Variants in TSPEAR observed in about 807,000 individuals in gnomAD.
TSPEAR encodes thrombospondin-type laminin G domain and EAR repeat-containing protein.
A neutral mutation model predicts 71.6 loss-of-function variants in TSPEAR; 69 were observed. The observed-to-expected ratio is 0.96, with a 90% CI of 0.79 to 1.18. The LOEUF is 1.18. Ranked by LOEUF, TSPEAR falls within the 50% of genes most tolerant of loss-of-function variation. The pLI, the probability that TSPEAR is intolerant of heterozygous loss-of-function variation, is 0.00. For missense variants in TSPEAR, 971 were observed against 894.9 expected (o/e 1.09, Z -1.09); for synonymous variants, 402 against 387.2 (o/e 1.04, Z -0.45).
chr21:44,578,289 A>G (rs1286038392), intron 1 of TSPEAR, among the ~76,000 whole-genome samples: 1 of 152,246 alleles, frequency 6.6e-6, no homozygotes, highest in Admixed American at 6.5e-5. Context: ...AACAGCTTAG[A>G]TGAAATAGGC....
chr21:44,664,634 G>T (rs1985657181), intron 1 of TSPEAR, among the ~76,000 whole-genome samples: 1 of 152,202 alleles, frequency 6.6e-6, no homozygotes, highest in Non-Finnish European at 1.5e-5. Context: ...CAAAATTGGA[G>T]AACTCACACT....
chr21:44,519,757 G>T (rs76986124), intron 9 of TSPEAR: 16 of 152,354 alleles, frequency 1.1e-4, no homozygotes, highest in Admixed American at 1.0e-3. Flanking sequence ...GTTCTGCCAC[G>T]GGCAAAGCCC....
chr21:44,599,635 G>A (rs1356882686), intron 1 of TSPEAR, among the ~76,000 whole-genome samples: 14 of 152,368 alleles, frequency 9.2e-5, no homozygotes, highest in Admixed American at 8.5e-4. Flanking sequence ...ACTGCATCAT[G>A]AATAAATGAA....
intron 1 of TSPEAR, chr21:44,702,560 C>T: frequency 6.2e-7 from 1 of 1,609,628 alleles, no homozygotes; most frequent in African/African-American, 1.3e-5. Context: ...TGCCAGCAGT[C>T]TAGCTGCCAG....
At chr21:44,566,850 T>C (rs1223272459) in intron 2 of TSPEAR, among the ~76,000 whole-genome samples, 1 of 152,086 alleles carries the variant, frequency 6.6e-6, no homozygotes, top group African/African-American at 2.4e-5. Flanking sequence ...TCACACCACA[T>C]ACAAAAATTA....
chr21:44,521,165 C>T (rs1555914197), intron 9 of TSPEAR, among the ~76,000 whole-genome samples: 3 of 152,300 alleles, frequency 2.0e-5, no homozygotes, highest in African/African-American at 4.8e-5. Context: ...GTGCTGTCAC[C>T]GGCGCTGCAG....
intron 1 of TSPEAR, among the ~76,000 whole-genome samples, chr21:44,674,802 C>T (rs1986232087): frequency 7.1e-6 from 1 of 141,638 alleles, no homozygotes; most frequent in Non-Finnish European, 1.5e-5. Flanking sequence ...TTACCAGAGA[C>T]TATGCTCTAA....
intron 3 of TSPEAR, among the ~76,000 whole-genome samples, chr21:44,531,403 TG>T (rs2052969178): frequency 1.3e-5 from 2 of 152,218 alleles, no homozygotes; most frequent in Non-Finnish European, 2.9e-5. Context: ...CCGTGACCTG[TG>T]GCCATGTCGC....
chr21:44,527,314 C>G lies in TSPEAR; in HGVS notation c.1127G>C (p.Arg376Thr). ...TGCCTTTTTCCCGATGGTGAAATGCCTCCAGGCCTGTGCTTGGTGCGTGGG... is the reference window on the plus strand; with the variant it reads ...TGCCTTTTTCCCGATGGTGAAATGCGTCCAGGCCTGTGCTTGGTGCGTGGG... ...NIPTHQAQAW[R>T]HFTIGKKIFL... The change falls in exon 7 of 12, where the codon AGG (arginine) becomes ACG (threonine). Residue 376 changes from arginine (R) to threonine (T), a missense_variant. Coordinates refer to ENST00000323084, the MANE Select transcript of TSPEAR (RefSeq NM_144991.3). 1.9e-6 allele frequency: 3 copies of G among 1,614,162 alleles called. No individual in the cohort carries two copies. Among genetic ancestry groups the G allele is most frequent in the Non-Finnish European group, 2.5e-6 (3 of 1,180,044 alleles).
Position 44,567,888 on chromosome 21 carries a change from CG to C in TSPEAR, c.199del (p.Arg67AlafsTer3), listed in dbSNP as rs782155959. ...CCTGGATGCTGGGAAGCTCATGGTG[CG>C]GGGGGCGGCTACTGAGAGCTGGAGT... ...RGLQLSVAAP[R>X]TMSFPASRIF... On this transcript the variant is annotated frameshift_variant, in exon 2 of 12. Transcript: ENST00000323084. LOFTEE classifies it high-confidence loss of function. 1.9e-6 allele frequency: 3 copies of C among 1,607,516 alleles called. No individual in the cohort carries two copies. The highest frequency in any genetic ancestry group is 2.7e-5 in the African/African-American group (2 of 74,912).
intron 1 of TSPEAR, chr21:44,681,956 C>T: frequency 6.2e-7 from 1 of 1,613,860 alleles, no homozygotes; most frequent in Non-Finnish European, 8.5e-7. Flanking sequence ...AGCTCACGGG[C>T]ACGCACACAG....
chr21:44,575,441 T>A (rs1978372228), intron 1 of TSPEAR: 1 of 199,424 alleles, frequency 5.0e-6, no homozygotes, highest in African/African-American at 2.3e-5. Context: ...TGCACAACCC[T>A]CTGCTGTCCT....
chr21:44,550,980 G>A (rs1555918653), intron 2 of TSPEAR: 20 of 1,612,948 alleles, frequency 1.2e-5, no homozygotes, highest in Middle Eastern at 1.7e-4. Context: ...GCAGCATGAA[G>A]AGGATGACTC....
At chr21:44,579,722 T>C (rs1196606679) in intron 1 of TSPEAR, 3 of 1,586,436 alleles carry the variant, frequency 1.9e-6, no homozygotes, top group African/African-American at 2.7e-5. Context: ...CCCTGGGGGA[T>C]GTGCACATCA....
Position 44,623,620 on chromosome 21 carries a change from CA to C in TSPEAR, c.83-55616del, listed in dbSNP as rs1268026661. On this transcript the variant is annotated intron_variant, in intron 1 of 11. Coordinates refer to ENST00000323084, the MANE Select transcript of TSPEAR (RefSeq NM_144991.3). This position sits in a 1 kb window ranked among gnomAD's most constrained non-coding sequence, Gnocchi z 4.5. ...TGTAGTGCAGATCCTACTGGTGACA[CA>C]ACCTCTCAGCATCCAGAGAACATCA... Among the ~76,000 whole-genome samples the C allele has an allele frequency of 1.3e-5, 2 of 152,198 alleles. No individual in the cohort carries two copies. The highest frequency in any genetic ancestry group is 6.5e-5 in the Admixed American group (1 of 15,278).
At chr21:44,613,042 C>T in intron 1 of TSPEAR, 1 of 1,056,700 alleles carries the variant, frequency 9.5e-7, no homozygotes, top group African/African-American at 1.6e-5. Context: ...CCAGGAGCCT[C>T]CATCCTCACT....
rs373771968 is a variant in TSPEAR, at chr21:44,539,588, C to T, written c.304-5665G>A. On this transcript the variant is annotated intron_variant, in intron 2 of 11. Coordinates refer to ENST00000323084, the MANE Select transcript of TSPEAR (RefSeq NM_144991.3). ...GGGCTTGCAGCAGACAGGCTTGCAA[C>T]GGACGGGCACGCAGCAGGCCTGCTG... The T allele has an allele frequency of 7.6e-5, 122 of 1,613,272 alleles. 3 individuals are homozygous for T. The South Asian group carries it at 9.8e-4, about 13-fold the overall frequency.
chr21:44,627,946 C>G (rs201168617), intron 1 of TSPEAR: 16 of 1,518,060 alleles, frequency 1.1e-5, no homozygotes, highest in Non-Finnish European at 1.3e-5. Context: ...CTCCCGCCAG[C>G]CCAGCTATTG....
chr21:44,677,221 C>A (rs1194495204), intron 1 of TSPEAR: 6 of 715,488 alleles, frequency 8.4e-6, no homozygotes, highest in Non-Finnish European at 1.6e-5. Context: ...ATCTTCTCTA[C>A]CTCTTCTTTG....
Sources: gnomAD v4.1 joint callset for allele counts (sites outside exome capture counted in the v4.1 genomes callset) on GRCh38, gnomAD v4.1.1 for gene constraint, Gnocchi (gnomAD v3.1) non-coding constraint, MANE v1.5 for transcripts, NCBI Gene and HGNC (gene_info 2026-07-23, HGNC 2026-07-21) for gene names.